Variants in BRPF3 observed in about 807,000 individuals in gnomAD.
BRPF3 encodes bromodomain and PHD finger containing 3.
In BRPF3, 18 loss-of-function variants were observed where a neutral mutation model predicts 102.0. The ratio of observed to expected loss-of-function variants is 0.18; its 90% confidence interval spans 0.12 to 0.26. The LOEUF (loss-of-function observed/expected upper bound fraction) is 0.26, where lower values mean the gene tolerates loss of function less well. Ranked by LOEUF, BRPF3 falls within the 10% of genes least tolerant of loss-of-function variation. The pLI, the probability that BRPF3 is intolerant of heterozygous loss-of-function variation, is 1.00. For missense variants in BRPF3, 1,147 were observed against 1,567.8 expected (o/e 0.73, Z 4.53); for synonymous variants, 570 against 614.2 (o/e 0.93, Z 1.06).
chr6:36,204,788 C>T lies in BRPF3; in HGVS notation c.1579C>T (p.Leu527=), dbSNP rs767523670. Residue 527 remains leucine, a synonymous_variant, in exon 3 of 13, where the codon CTG becomes TTG. Coordinates refer to ENST00000357641, the MANE Select transcript of BRPF3 (RefSeq NM_015695.3). ...VPLIRRLHSH[L]QSQRNAEQRE... ...TCTTATCCGGCGCTTGCACTCCCAT[C>T]TGCAGTCCCAAAGAAACGCTGAGCA... 3.1e-6 allele frequency: 5 copies of T among 1,614,202 alleles called. No homozygotes were observed. In the African/African-American group the frequency reaches 4.0e-5, roughly 13 times the overall value.
chr6:36,198,594 T>C (rs2092395114), intron 1 of BRPF3, among the ~76,000 whole-genome samples: 1 of 152,220 alleles, frequency 6.6e-6, no homozygotes. Context: ...CCTAAGGTAG[T>C]TGTGAGAAAT....
intron 2 of BRPF3, among the ~76,000 whole-genome samples, chr6:36,203,012 C>G (rs1767771144): frequency 6.6e-6 from 1 of 152,196 alleles, no homozygotes; most frequent in African/African-American, 2.4e-5. Context: ...TTCAGTGACT[C>G]TGTATGTGTT....
rs751035235 is a variant in BRPF3 at position 36,222,176 on chromosome 6, C to G, written c.3092C>G (p.Thr1031Arg). ...CCCTGCTCTGTGTGCAGTGGTCTGA[C>G]GCCCCCCAAACGCAGCCGTGGGAAG... is the stretch of plus-strand genomic sequence containing the variant. ...GLAFEACSGL[T>R]PPKRSRGKPA... The change falls in exon 10 of 13, where the codon ACG becomes AGG. Residue 1031 changes from threonine to arginine, a missense_variant. Coordinates refer to ENST00000357641, the MANE Select transcript of BRPF3 (RefSeq NM_015695.3). 1 of 1,550,288 alleles carries G rather than the reference C, an allele frequency of 6.5e-7. No individual in the cohort carries two copies. The highest frequency in any genetic ancestry group is 8.7e-7 in the Non-Finnish European group (1 of 1,147,052).
At chr6:36,199,463 G>A (rs1767618724) in intron 1 of BRPF3, among the ~76,000 whole-genome samples, 1 of 152,194 alleles carries the variant, frequency 6.6e-6, no homozygotes, top group East Asian at 1.9e-4. Flanking sequence ...ACTGTAGTTT[G>A]AAGCCCTTAG....
chr6:36,206,619 C>A (rs1007317890), intron 3 of BRPF3, among the ~76,000 whole-genome samples: 8 of 152,132 alleles, frequency 5.3e-5, no homozygotes, highest in Non-Finnish European at 1.0e-4. Context: ...CCCTTTCATC[C>A]CTTTGGTTCC....
In BRPF3 at chr6:36,214,528, G is replaced by C. The variant is rs1200401641; in HGVS notation, c.2989+142G>C. On this transcript the variant is annotated intron_variant, in intron 8 of 12. Transcript: ENST00000357641. The stretch of plus-strand genomic sequence containing the variant: ...AGCATTGAGGGCACCATAGCTCACA[G>C]TTGGGCCTGGCATGTTAGTAGCAGC... 8.6e-6 allele frequency: 9 copies of C among 1,044,566 alleles called. 1 individual carries two copies. The South Asian group carries it at 1.3e-4, about 16-fold the overall frequency. The allele number at this position is 1,044,566 out of a possible 1,614,324, so 64.7% of individuals were successfully genotyped here.
intron 4 of BRPF3, among the ~76,000 whole-genome samples, chr6:36,208,596 G>T (rs1055604018): frequency 1.2e-4 from 19 of 152,212 alleles, no homozygotes; most frequent in African/African-American, 4.6e-4. Context: ...AGCCTGGGCA[G>T]CTCATGCCAT....
intron 11 of BRPF3, among the ~76,000 whole-genome samples, chr6:36,227,641 A>C (rs894609361): frequency 1.3e-5 from 2 of 152,214 alleles, no homozygotes; most frequent in East Asian, 3.8e-4. Flanking sequence ...GAAACATATC[A>C]GAGTAGCCTC....
rs1373433164 is a variant in BRPF3, at chr6:36,230,537, C to T, written c.3546C>T (p.Ala1182=). 4 of 1,614,088 alleles carry T rather than the reference C, an allele frequency of 2.5e-6. No homozygotes were observed. In the African/African-American group the frequency reaches 5.3e-5, roughly 22 times the overall value. Residue 1182 remains alanine (A), a synonymous_variant, in exon 13 of 13, where the codon GCC becomes GCT. Coordinates refer to ENST00000357641, the MANE Select transcript of BRPF3 (RefSeq NM_015695.3). This position sits in a 1 kb window ranked among gnomAD's most constrained non-coding sequence, Gnocchi z 5.4. ...GCATCCGCAAGTCAGTGCAGGTGGC[C>T]TATGACCGTGCGATGATCCACCTGA... The part of the protein sequence containing the change: ...KTSIRKSVQV[A]YDRAMIHLSR...
At chr6:36,198,939 A>G (rs549607243) in intron 1 of BRPF3, among the ~76,000 whole-genome samples, 6 of 152,248 alleles carry the variant, frequency 3.9e-5, no homozygotes, top group Non-Finnish European at 8.8e-5. Flanking sequence ...AACAGAATGC[A>G]TTGAGAGTTT....
chr6:36,214,359 A>G lies in BRPF3; in HGVS notation c.2962A>G (p.Arg988Gly). 1 of 1,596,858 alleles carries G rather than the reference A, an allele frequency of 6.3e-7. No individual in the cohort carries two copies. The highest frequency in any genetic ancestry group is 8.5e-7 in the Non-Finnish European group (1 of 1,171,340). Residue 988 changes from arginine (R) to glycine (G), a missense_variant, in exon 8 of 13, where the codon AGG becomes GGG. This residue lies in a region of BRPF3 where 379 missense variants were observed against 426.3 expected (regional missense o/e 0.89). Coordinates refer to ENST00000357641, the MANE Select transcript of BRPF3 (RefSeq NM_015695.3). ...GAGCTGTAGTGAGAGCGAAGGGGAGAGGTCCCCCCAGCAGGAGGAAGAGAC... is the reference window on the plus strand; with the variant it reads ...GAGCTGTAGTGAGAGCGAAGGGGAGGGGTCCCCCCAGCAGGAGGAAGAGAC... ...SRSCSESEGERSPQQEEETGM... is the reference protein window; with the variant it reads ...SRSCSESEGEGSPQQEEETGM...
At chr6:36,221,191 T>G (rs1172611109) in intron 9 of BRPF3, among the ~76,000 whole-genome samples, 1 of 152,180 alleles carries the variant, frequency 6.6e-6, no homozygotes, top group Non-Finnish European at 1.5e-5. Flanking sequence ...GCTTTGGTAT[T>G]GCCATTCTAA....
In BRPF3 at chr6:36,210,623, T is replaced by C. The variant is rs1472630594; in HGVS notation, c.2179+95T>C. 35 of 1,197,950 alleles carry C rather than the reference T, an allele frequency of 2.9e-5. No homozygotes were observed. Among genetic ancestry groups the C allele is most frequent in the Non-Finnish European group, 3.8e-5 (33 of 866,922 alleles). 74.2% of individuals were successfully genotyped at this position (1,197,950 alleles called of 1,614,324 possible). A position where few individuals can be genotyped will look rare whatever the true frequency, so the allele number is the denominator to read the frequency against. The stretch of plus-strand genomic sequence containing the variant: ...GGGATCAGGGTGGTCCTTGGGGCTA[T>C]AGGTAGACTCCAGGAGCAAAGCTGA... On this transcript the variant is annotated intron_variant, in intron 6 of 12. Coordinates refer to ENST00000357641, the MANE Select transcript of BRPF3 (RefSeq NM_015695.3). This position sits in a 1 kb window ranked among gnomAD's most constrained non-coding sequence, Gnocchi z 4.7.
intron 10 of BRPF3, 113 bp from the exon 11 acceptor site, chr6:36,225,154 A>T (rs1026201362): frequency 1.4e-6 from 1 of 729,614 alleles, no homozygotes; most frequent in Non-Finnish European, 2.3e-6. Context: ...GGTGGAGGGG[A>T]TGTTGTGACT....
rs1201693212 is a variant in BRPF3 at position 36,201,100 on chromosome 6, C to G, written c.778C>G (p.Leu260Val). The G allele has an allele frequency of 1.4e-5, 22 of 1,614,150 alleles. No homozygotes were observed. The highest frequency in any genetic ancestry group is 1.8e-5 in the Non-Finnish European group (21 of 1,180,030). ...PEGQWLCRCCLQSPSRPVDCI... is the reference protein window; with the variant it reads ...PEGQWLCRCCVQSPSRPVDCI... ...GGGCCAGTGGCTATGCCGCTGCTGC[C>G]TGCAGTCTCCCTCCCGGCCTGTGGA... is the stretch of plus-strand genomic sequence containing the variant. Residue 260 changes from leucine (L) to valine (V), a missense_variant, in exon 2 of 13, where the codon CTG becomes GTG. Coordinates refer to ENST00000357641, the MANE Select transcript of BRPF3 (RefSeq NM_015695.3). This position sits in a 1 kb window ranked among gnomAD's most constrained non-coding sequence, Gnocchi z 5.1.
At chr6:36,203,777 A>G (rs777066877) in intron 2 of BRPF3, among the ~76,000 whole-genome samples, 54 of 152,356 alleles carry the variant, frequency 3.5e-4, no homozygotes, top group Non-Finnish European at 6.5e-4. Flanking sequence ...CAGTCTGGGG[A>G]TGTACCATGG....
intron 4 of BRPF3, among the ~76,000 whole-genome samples, chr6:36,208,329 G>A (rs1767977424): frequency 6.6e-6 from 1 of 152,160 alleles, no homozygotes; most frequent in African/African-American, 2.4e-5. Flanking sequence ...TGCTTCAGAG[G>A]CCAGGGTTAA....
Position 36,230,630 on chromosome 6 carries a change from C to T in BRPF3, c.*21C>T. ...TGTAAGGGCAGGGCTGGGCCTGCAT[C>T]CGCTTGCCCTGCCTCCATCCCGCAG... On this transcript the variant is annotated 3_prime_UTR_variant, in exon 13 of 13. Coordinates refer to ENST00000357641, the MANE Select transcript of BRPF3 (RefSeq NM_015695.3). The surrounding 1 kb of genome is among the most constrained non-coding windows in gnomAD (Gnocchi z 5.4). 6.2e-7 allele frequency: 1 copy of T among 1,609,668 alleles called. No homozygotes were observed. Among genetic ancestry groups the T allele is most frequent in the Non-Finnish European group, 8.5e-7 (1 of 1,177,034 alleles).
intron 3 of BRPF3, among the ~76,000 whole-genome samples, chr6:36,205,221 G>T (rs557094639): frequency 6.6e-6 from 1 of 152,186 alleles, no homozygotes; most frequent in African/African-American, 2.4e-5. Context: ...ACAAATTTAC[G>T]ATCTAAGTTG....
Sources: gnomAD v4.1 joint callset for allele counts (sites outside exome capture counted in the v4.1 genomes callset) on GRCh38, gnomAD v4.1.1 for gene constraint, gnomAD v4.1.1 regional missense constraint, Gnocchi (gnomAD v3.1) non-coding constraint, MANE v1.5 for transcripts, NCBI Gene and HGNC (gene_info 2026-07-23, HGNC 2026-07-21) for gene names.